Variants in ADAM10 observed in about 807,000 individuals in gnomAD.
The protein encoded by ADAM10 is ADAM metallopeptidase domain 10, also known as disintegrin and metalloproteinase domain-containing protein 10.
Under a neutral mutation model 90.1 loss-of-function variants are expected in ADAM10, and 17 were observed. That is an observed-to-expected ratio of 0.19 (90% CI 0.13 to 0.28). The LOEUF (loss-of-function observed/expected upper bound fraction) is 0.28, where lower values mean the gene tolerates loss of function less well. ADAM10 is among the 10% of genes least tolerant of loss of function. ADAM10 has a pLI of 1.00. For synonymous variants in ADAM10, 310 were observed against 298.6 expected, an observed-to-expected ratio of 1.04 and a Z score of -0.40; for missense variants, 610 against 914.3, an observed-to-expected ratio of 0.67 and a Z score of 4.29.
At chr15:58,616,000 C>G in intron 11 of ADAM10, among the ~76,000 whole-genome samples, 1 of 151,826 alleles carries the variant, frequency 6.6e-6, no homozygotes, top group East Asian at 1.9e-4. Flanking sequence ...AGAGCAAGAC[C>G]CTGTCTCCAA....
At chr15:58,711,078 A>ATGTC (rs1380477842) in intron 2 of ADAM10, among the ~76,000 whole-genome samples, 17 of 152,174 alleles carry the variant, frequency 1.1e-4, no homozygotes, top group African/African-American at 2.9e-4. Flanking sequence ...TTCCAACCAA[A>ATGTC]TGTCTAATCA....
intron 1 of ADAM10, among the ~76,000 whole-genome samples, chr15:58,743,416 C>T (rs910550262): frequency 6.6e-6 from 1 of 152,100 alleles, no homozygotes; most frequent in South Asian, 2.1e-4. Context: ...AATGCCCCAA[C>T]TTTAGCAAAT....
At chr15:58,704,612 A>C (rs1898227063) in intron 2 of ADAM10, among the ~76,000 whole-genome samples, 1 of 152,190 alleles carries the variant, frequency 6.6e-6, no homozygotes, top group Admixed American at 6.5e-5. Context: ...TATAAAATCA[A>C]ATTGTGTGGC....
intron 11 of ADAM10, among the ~76,000 whole-genome samples, chr15:58,619,993 T>C (rs7167240): frequency 0.05 from 7,631 of 151,984 alleles, 654 homozygotes; most frequent in African/African-American, 0.17. Flanking sequence ...AGTCAAAGCA[T>C]ACTACATTCC....
intron 4 of ADAM10, among the ~76,000 whole-genome samples, chr15:58,673,731 TTC>T (rs1329639969): frequency 6.7e-6 from 1 of 148,502 alleles, no homozygotes; most frequent in African/African-American, 2.5e-5. Context: ...CACTGTCTCT[TTC>T]TCTCTCTTTT....
intron 5 of ADAM10, among the ~76,000 whole-genome samples, chr15:58,647,571 G>GA (rs1184277418): frequency 1.4e-5 from 2 of 146,380 alleles, no homozygotes; most frequent in Non-Finnish European, 3.0e-5. Flanking sequence ...TATTTCTTTT[G>GA]AGAGTCTCAC....
At chr15:58,704,401 T>A (rs1031913044) in intron 2 of ADAM10, among the ~76,000 whole-genome samples, 4 of 152,132 alleles carry the variant, frequency 2.6e-5, no homozygotes, top group African/African-American at 9.7e-5. Context: ...GTGCATGTAC[T>A]TAATGCCATT....
intron 1 of ADAM10, among the ~76,000 whole-genome samples, chr15:58,740,510 TCA>T (rs1304393098): frequency 6.6e-5 from 10 of 152,210 alleles, no homozygotes; most frequent in Admixed American, 5.9e-4. Context: ...TATACATATC[TCA>T]GTGTCTGCTT....
chr15:58,651,139 T>C (rs1267455129), intron 5 of ADAM10, among the ~76,000 whole-genome samples: 1 of 152,154 alleles, frequency 6.6e-6, no homozygotes, highest in Admixed American at 6.5e-5. Context: ...CATAGGTATA[T>C]ATATTTATGG....
At position 58,679,168 on chromosome 15, in the gene ADAM10, C is replaced by T. The variant is rs1897362120; in HGVS notation, c.440G>A (p.Arg147Gln). ...VEPAERYIKD[R>Q]TLPFHSVIYH... The stretch of plus-strand genomic sequence containing the variant: ...AATGACAGAGTGAAATGGCAGAGTT[C>T]GGTCTTTAATATATCTCTCTGCTGG... The change falls in exon 4 of 16, where the codon CGA (arginine) becomes CAA (glutamine). Residue 147 changes from arginine (R) to glutamine (Q), a missense_variant. Physicochemically the swap from Arg to Gln is conservative, Grantham distance 43 (BLOSUM62 1). Transcript: ENST00000260408. 3.1e-6 allele frequency: 5 copies of T among 1,613,876 alleles called. No individual in the cohort carries two copies. The highest frequency in any genetic ancestry group is 1.7e-4 in the Middle Eastern group (1 of 6,058).
At chr15:58,670,028 G>A (rs1025200485) in intron 4 of ADAM10, among the ~76,000 whole-genome samples, 1 of 151,982 alleles carries the variant, frequency 6.6e-6, no homozygotes, top group Admixed American at 6.6e-5. Flanking sequence ...TAAATGCTAT[G>A]ATAGTTTCAC....
chr15:58,735,836 T>C (rs1283460450), intron 1 of ADAM10, among the ~76,000 whole-genome samples: 3 of 152,218 alleles, frequency 2.0e-5, no homozygotes, highest in African/African-American at 7.2e-5. Context: ...ATCTGTTCTC[T>C]AAAATGATTA....
intron 2 of ADAM10, among the ~76,000 whole-genome samples, chr15:58,700,849 T>TA (rs1387411845): frequency 6.6e-6 from 1 of 151,056 alleles, no homozygotes; most frequent in African/African-American, 2.4e-5. Flanking sequence ...ACCCCATCCC[T>TA]AAAAAAATGT....
At chr15:58,689,168 G>C (rs1897700736) in intron 2 of ADAM10, among the ~76,000 whole-genome samples, 1 of 152,132 alleles carries the variant, frequency 6.6e-6, no homozygotes, top group African/African-American at 2.4e-5. Context: ...TATATGCAGA[G>C]TGACTGCTGA....
chr15:58,715,624 TTA>T (rs1263135394), intron 2 of ADAM10, among the ~76,000 whole-genome samples: 2 of 152,168 alleles, frequency 1.3e-5, no homozygotes, highest in Non-Finnish European at 2.9e-5. Flanking sequence ...TATGTTTGAT[TTA>T]TGTTTCTATC....
Position 58,596,086 on chromosome 15 carries a change from T to TAAA in ADAM10, c.*1458_*1460dup, listed in dbSNP as rs1164105032. On this transcript the variant is annotated 3_prime_UTR_variant, in exon 16 of 16. Transcript: ENST00000260408. ...AATGATTGTGTAAACCTTATACTCT[T>TAAA]AAAAAAAAAAAGGAAAAAAAAAAAC... The TAAA allele has an allele frequency of 7.5e-6, 1 of 132,526 alleles. No individual in the cohort carries two copies. The highest frequency in any genetic ancestry group is 2.2e-4 in the East Asian group (1 of 4,536). The allele number at this position is 132,526 out of a possible 1,614,324, so 8.2% of individuals were successfully genotyped here.
intron 5 of ADAM10, among the ~76,000 whole-genome samples, chr15:58,657,375 C>A (rs1305175803): frequency 6.6e-6 from 1 of 152,060 alleles, no homozygotes; most frequent in African/African-American, 2.4e-5. Flanking sequence ...GTTCTTCATT[C>A]TTTTAGAGTA....
intron 14 of ADAM10, chr15:58,609,729 C>T (rs1391131763): frequency 1.3e-5 from 2 of 154,870 alleles, no homozygotes; most frequent in East Asian, 3.8e-4. Flanking sequence ...TTTAAGAAAA[C>T]ATCAGGTAAT....
intron 2 of ADAM10, among the ~76,000 whole-genome samples, chr15:58,711,351 T>G (rs1898467060): frequency 6.6e-6 from 1 of 152,346 alleles, no homozygotes; most frequent in South Asian, 2.1e-4. Flanking sequence ...CTTAGTATAC[T>G]AATATATTTT....
Sources: gnomAD v4.1 joint callset for allele counts (sites outside exome capture counted in the v4.1 genomes callset) on GRCh38, gnomAD v4.1.1 for gene constraint, MANE v1.5 for transcripts, NCBI Gene and HGNC (gene_info 2026-07-23, HGNC 2026-07-21) for gene names.